The following PARP15 variants were observed in gnomAD, a reference collection of about 807,000 sequenced individuals.
The protein encoded by PARP15 is poly(ADP-ribose) polymerase family member 15, also known as protein mono-ADP-ribosyltransferase PARP15.
In PARP15, 50 loss-of-function variants were observed where a neutral mutation model predicts 62.1. That is an observed-to-expected ratio of 0.81 (90% CI 0.64 to 1.02). PARP15 has a LOEUF of 1.02. Ranked by LOEUF, PARP15 falls within the 50% of genes least tolerant of loss-of-function variation. The pLI is 0.00. For missense variants in PARP15, 820 were observed against 826.5 expected, an observed-to-expected ratio of 0.99 and a Z score of 0.10; for synonymous variants, 309 against 293.1, an observed-to-expected ratio of 1.05 and a Z score of -0.55.
chr3:122,613,135 A>G lies in PARP15; in HGVS notation c.638A>G (p.Gln213Arg). Residue 213 changes from glutamine to arginine, a missense_variant, in exon 4 of 12, where the codon CAG becomes CGG. Physicochemically the swap from Gln to Arg is conservative, Grantham distance 43. Coordinates refer to ENST00000464300, the MANE Select transcript of PARP15 (RefSeq NM_001113523.3). ...TFPMIGTGSL[Q>R]FPKAVFAKLI... is the part of the protein sequence containing the mutation. ...CCCATGATTGGAACAGGAAGTTTGC[A>G]GTTTCCCAAAGCTGTTTTTGCTAAA... 1.3e-6 allele frequency: 2 copies of G among 1,551,756 alleles called. No individual in the cohort carries two copies. The highest frequency in any genetic ancestry group is 1.7e-6 in the Non-Finnish European group (2 of 1,146,974).
intron 8 of PARP15, among the ~76,000 whole-genome samples, chr3:122,624,818 T>C (rs1936590100): frequency 6.6e-6 from 1 of 152,158 alleles, no homozygotes; most frequent in Admixed American, 6.5e-5. Flanking sequence ...TGATTCTAAA[T>C]ATTCACCATT....
Position 122,617,081 on chromosome 3 carries a change from T to C in PARP15, c.917T>C (p.Phe306Ser), listed in dbSNP as rs1366033076. The C allele has an allele frequency of 6.2e-7, 1 of 1,614,158 alleles. No homozygotes were observed. Among genetic ancestry groups the C allele is most frequent in the Non-Finnish European group, 8.5e-7 (1 of 1,180,002 alleles). Residue 306 changes from phenylalanine to serine, a missense_variant, in exon 6 of 12, where the codon TTT becomes TCT. Phe to Ser is a radical substitution (Grantham distance 155). Transcript: ENST00000464300. ...GAAATGAAAATCGGTGCAATTACTTTTCAGGTTGCTACTGGAGATATAGCC... is the reference window on the plus strand; with the variant it reads ...GAAATGAAAATCGGTGCAATTACTTCTCAGGTTGCTACTGGAGATATAGCC... ...AYEMKIGAIT[F>S]QVATGDIATE...
At chr3:122,603,286 C>T (rs1261916207) in intron 1 of PARP15, among the ~76,000 whole-genome samples, 1 of 152,096 alleles carries the variant, frequency 6.6e-6, no homozygotes, top group African/African-American at 2.4e-5. Flanking sequence ...TGTGAGGTAA[C>T]ATGACCCCAA....
At chr3:122,630,725 G>A (rs1184890190) in intron 9 of PARP15, among the ~76,000 whole-genome samples, 2 of 152,052 alleles carry the variant, frequency 1.3e-5, no homozygotes, top group Non-Finnish European at 2.9e-5. Context: ...CCTCTGGGAT[G>A]TAAAAAATAT....
intron 1 of PARP15, among the ~76,000 whole-genome samples, chr3:122,599,544 C>T (rs13090126): frequency 5.9e-5 from 5 of 84,692 alleles, no homozygotes; most frequent in African/African-American, 8.1e-5. Flanking sequence ...TTTCCTTTCT[C>T]TCTCTTTCTT....
intron 4 of PARP15, 46 bp downstream of exon 4, chr3:122,613,314 A>G: frequency 7.1e-7 from 1 of 1,417,928 alleles, no homozygotes; most frequent in Non-Finnish European, 9.7e-7. Context: ...AGTGAACCCA[A>G]GCGCATTCAG....
At chr3:122,581,539 A>T (rs2080801642) in intron 1 of PARP15, among the ~76,000 whole-genome samples, 1 of 151,986 alleles carries the variant, frequency 6.6e-6, no homozygotes, top group African/African-American at 2.4e-5. Flanking sequence ...ATCCATTTGT[A>T]TATCTTCTTC....
At position 122,626,951 on chromosome 3, in the gene PARP15, G is replaced by T; in HGVS notation, c.1356G>T (p.Leu452=). The T allele has an allele frequency of 6.2e-7, 1 of 1,613,940 alleles. No individual in the cohort carries two copies. The highest frequency in any genetic ancestry group is 1.3e-5 in the African/African-American group (1 of 74,964). ...AAGTTGTCATTTTTCAACCTGAGCTGCTAAATATATTCTACGACAGCATGA... is the reference window on the plus strand; with the variant it reads ...AAGTTGTCATTTTTCAACCTGAGCTTCTAAATATATTCTACGACAGCATGA... ...TVKVVIFQPE[L]LNIFYDSMKK... Residue 452 remains leucine (L), a synonymous_variant, in exon 9 of 12, where the codon CTG becomes CTT. Coordinates refer to ENST00000464300, the MANE Select transcript of PARP15 (RefSeq NM_001113523.3).
In PARP15 at chr3:122,619,809, T is replaced by C. The variant is rs769934653; in HGVS notation, c.1029T>C (p.Ala343=). The C allele has an allele frequency of 1.2e-5, 20 of 1,613,812 alleles. No homozygotes were observed. The highest frequency in any genetic ancestry group is 1.4e-5 in the Non-Finnish European group (17 of 1,179,658). Residue 343 remains alanine, a synonymous_variant, in exon 7 of 12, where the codon GCT becomes GCC. Coordinates refer to ENST00000464300, the MANE Select transcript of PARP15 (RefSeq NM_001113523.3). ...TGTCAAGAGCTATTTTAGAAGGTGC[T>C]GGACAAGCTGTGGAAAGTGAATGTG... is the stretch of plus-strand genomic sequence containing the variant. ...SGVSRAILEG[A]GQAVESECAV... is the part of the protein sequence containing the mutation.
intron 8 of PARP15, 105 bp from the exon 9 acceptor site, chr3:122,626,722 T>G: frequency 1.0e-6 from 1 of 978,678 alleles, no homozygotes; most frequent in Non-Finnish European, 1.5e-6. Context: ...AATTCCTGGC[T>G]GTGAGGGGCT....
Position 122,621,612 on chromosome 3 carries a change from G to A in PARP15, c.1231+1G>A, listed in dbSNP as rs751515375. 6.3e-7 allele frequency: 1 copy of A among 1,578,856 alleles called. No individual in the cohort carries two copies. Among genetic ancestry groups the A allele is most frequent in the Non-Finnish European group, 8.6e-7 (1 of 1,167,132 alleles). On this transcript the variant is annotated splice_donor_variant, in intron 8 of 11. Coordinates refer to ENST00000464300, the MANE Select transcript of PARP15 (RefSeq NM_001113523.3). LOFTEE classifies it high-confidence loss of function. ...GTTTCCCTTCCAGCCATTGGAACAG[G>A]TTTGCAGCTTATCATTCTATAATAA...
chr3:122,607,111 A>G (rs1289814946), intron 2 of PARP15, among the ~76,000 whole-genome samples: 1 of 152,242 alleles, frequency 6.6e-6, no homozygotes, highest in Non-Finnish European at 1.5e-5. Context: ...TCTGACTCAC[A>G]CTAATCAAAC....
intron 9 of PARP15, among the ~76,000 whole-genome samples, chr3:122,630,084 G>T (rs796372277): frequency 3.9e-5 from 6 of 152,300 alleles, no homozygotes; most frequent in African/African-American, 1.4e-4. Context: ...AGAGCTGTAT[G>T]GGAAGAGGGC....
intron 3 of PARP15, 90 bp from the exon 4 acceptor site, chr3:122,612,951 G>A: frequency 8.9e-7 from 1 of 1,122,360 alleles, no homozygotes; most frequent in Non-Finnish European, 1.3e-6. Flanking sequence ...ATAGCAGAGA[G>A]GTCCTTGTCA....
intron 1 of PARP15, among the ~76,000 whole-genome samples, chr3:122,593,200 G>A (rs1196507471): frequency 6.6e-6 from 1 of 151,632 alleles, no homozygotes; most frequent in Non-Finnish European, 1.5e-5. Context: ...GTGCAGTGGC[G>A]CAATCTCAGC....
At chr3:122,619,926 A>T (rs1339438405) in intron 7 of PARP15, 83 bp downstream of exon 7, 4 of 1,292,152 alleles carry the variant, frequency 3.1e-6, no homozygotes, top group Admixed American at 3.4e-5. Context: ...GGAGGACTGG[A>T]GGTGGAGTAA....
intron 8 of PARP15, 73 bp from the exon 9 acceptor site, chr3:122,626,754 A>T: frequency 7.3e-7 from 1 of 1,374,252 alleles, no homozygotes; most frequent in Non-Finnish European, 1.0e-6. Flanking sequence ...CAGCACTGAG[A>T]ACTGGATTTG....
intron 9 of PARP15, among the ~76,000 whole-genome samples, chr3:122,627,529 G>A (rs965038006): frequency 3.3e-5 from 5 of 152,188 alleles, no homozygotes; most frequent in Non-Finnish European, 5.9e-5. Context: ...TACTCTGTAA[G>A]GTGTGTTTAT....
At chr3:122,611,074 T>C (rs1935532786) in intron 3 of PARP15, among the ~76,000 whole-genome samples, 2 of 152,170 alleles carry the variant, frequency 1.3e-5, no homozygotes, top group Non-Finnish European at 2.9e-5. Flanking sequence ...TAACATTCAT[T>C]GGGATTCTAC....
Sources: allele counts gnomAD v4.1 joint callset (sites outside exome capture counted in the v4.1 genomes callset), GRCh38; gene constraint gnomAD v4.1.1; transcripts MANE v1.5; gene names NCBI Gene and HGNC (gene_info 2026-07-23, HGNC 2026-07-21).